POLR3B: variants seen among roughly 807,000 people sequenced by gnomAD.
POLR3B encodes RNA polymerase III subunit B.
In POLR3B, 96 loss-of-function variants were observed where a neutral mutation model predicts 147.4. The observed-to-expected ratio is 0.65, with a 90% CI of 0.55 to 0.77. POLR3B has a LOEUF of 0.77. POLR3B is among the 30% of genes least tolerant of loss of function. The pLI, the probability that POLR3B is intolerant of heterozygous loss-of-function variation, is 0.00. For synonymous variants in POLR3B, 461 were observed against 485.9 expected, an observed-to-expected ratio of 0.95 and a Z score of 0.67; for missense variants, 1,036 against 1,413.5, an observed-to-expected ratio of 0.73 and a Z score of 4.28.
intron 19 of POLR3B, among the ~76,000 whole-genome samples, chr12:106,450,638 C>G (rs2037782961): frequency 6.6e-6 from 1 of 151,938 alleles, no homozygotes; most frequent in African/African-American, 2.4e-5. Context: ...AAATTAAGAC[C>G]CCTATAAGAT....
chr12:106,406,607 C>G (rs1349902498), intron 11 of POLR3B, among the ~76,000 whole-genome samples: 7 of 152,210 alleles, frequency 4.6e-5, no homozygotes, highest in African/African-American at 1.7e-4. Flanking sequence ...TGAAGATTCT[C>G]TGATCCAAAC....
intron 10 of POLR3B, among the ~76,000 whole-genome samples, chr12:106,395,699 C>T (rs934832435): frequency 3.3e-5 from 5 of 151,990 alleles, no homozygotes; most frequent in Non-Finnish European, 7.4e-5. Context: ...GTTTTTTTGG[C>T]CAGGCATGGT....
intron 23 of POLR3B, among the ~76,000 whole-genome samples, chr12:106,476,708 T>C (rs2038176011): frequency 6.6e-6 from 1 of 151,066 alleles, no homozygotes; most frequent in African/African-American, 2.4e-5. Flanking sequence ...GCCTTGGTTT[T>C]CAGCTCCATC....
In POLR3B at chr12:106,364,506, C is replaced by T. The variant is rs1008594440; in HGVS notation, c.105+604C>T. ...AACTATCATGCTCCACTGGTGGGAA[C>T]GTAAAGTGTTATAGCCACTTTGGAA... is the stretch of plus-strand genomic sequence containing the variant. On this transcript the variant is annotated intron_variant, in intron 2 of 27. Transcript: ENST00000228347. 2.6e-5 allele frequency among the ~76,000 whole-genome samples: 4 copies of T among 152,160 alleles called. No individual in the cohort carries two copies. In the South Asian group the frequency reaches 6.2e-4, roughly 24 times the overall value.
chr12:106,396,710 C>T (rs1469426788), intron 10 of POLR3B, among the ~76,000 whole-genome samples: 1 of 152,012 alleles, frequency 6.6e-6, no homozygotes, highest in Non-Finnish European at 1.5e-5. Flanking sequence ...AAGGAATTCC[C>T]CAAGCAGGTA....
chr12:106,410,226 T>G (rs1384624632), intron 11 of POLR3B: 3 of 153,146 alleles, frequency 2.0e-5, no homozygotes, highest in Non-Finnish European at 4.4e-5. Flanking sequence ...ATTTCAGGTC[T>G]CTTACAAAGT....
chr12:106,506,821 G>A (rs969003883), intron 27 of POLR3B, among the ~76,000 whole-genome samples: 3 of 152,082 alleles, frequency 2.0e-5, no homozygotes, highest in Non-Finnish European at 4.4e-5. Context: ...CCGCTGCCTC[G>A]GGTGCTGCTT....
In POLR3B at chr12:106,366,711, G is replaced by A; in HGVS notation, c.216G>A (p.Met72Ile). 1.2e-6 allele frequency: 2 copies of A among 1,612,072 alleles called. No homozygotes were observed. The highest frequency in any genetic ancestry group is 1.7e-6 in the Non-Finnish European group (2 of 1,178,228). Residue 72 changes from methionine (M) to isoleucine (I), a missense_variant, in exon 4 of 28, where the codon ATG becomes ATA. Coordinates refer to ENST00000228347, the MANE Select transcript of POLR3B (RefSeq NM_018082.6). Reference sequence around the variant, plus strand: ...AGGTTACAAGTGACGCTGACCCTATGTGGTACTTAAAGTAAGGAACCAACA... The same window carrying A: ...AGGTTACAAGTGACGCTGACCCTATATGGTACTTAAAGTAAGGAACCAACA... The part of the protein sequence containing the change: ...NEKVTSDADP[M>I]WYLKYLNIYV...
rs765733223 is a variant in POLR3B at position 106,496,818 on chromosome 12, A to C, written c.2884A>C (p.Thr962Pro). The C allele has an allele frequency of 1.2e-5, 19 of 1,614,132 alleles. No individual in the cohort carries two copies. Among genetic ancestry groups the C allele is most frequent in the Non-Finnish European group, 1.4e-5 (17 of 1,179,994 alleles). The change falls in exon 25 of 28, where the codon ACT becomes CCT. Residue 962 changes from threonine (T) to proline (P), a missense_variant. Physicochemically the swap from Thr to Pro is conservative, Grantham distance 38 (BLOSUM62 -1). Around this residue, in one of 12 missense-constraint regions of POLR3B, gnomAD observed 88 missense variants for 87.5 expected, o/e 1.01. Transcript: ENST00000228347. ...GCTGGACGGCAGATTCCACTACGGCACTGCGTTTGGAGGCAGTAAAGTGAA... is the reference window on the plus strand; with the variant it reads ...GCTGGACGGCAGATTCCACTACGGCCCTGCGTTTGGAGGCAGTAAAGTGAA... ...GVLDGRFHYG[T>P]AFGGSKVKDV... is the part of the protein sequence containing the mutation.
At chr12:106,420,950 T>C (rs553564906) in intron 12 of POLR3B, among the ~76,000 whole-genome samples, 7 of 152,328 alleles carry the variant, frequency 4.6e-5, no homozygotes, top group Admixed American at 2.6e-4. Context: ...CTTGATTTAT[T>C]ATATCATTTA....
At chr12:106,463,729 C>G in intron 23 of POLR3B, 109 bp downstream of exon 23, 1 of 854,608 alleles carries the variant, frequency 1.2e-6, no homozygotes, top group Admixed American at 2.2e-5. Context: ...AAAAGTATTA[C>G]ATTGTTATAA....
intron 22 of POLR3B, among the ~76,000 whole-genome samples, chr12:106,461,128 A>C (rs2037928291): frequency 6.6e-6 from 1 of 151,660 alleles, no homozygotes; most frequent in Non-Finnish European, 1.5e-5. Context: ...GGAGTCTCGC[A>C]CTGTCATCCA....
Position 106,378,366 on chromosome 12 carries a change from T to C in POLR3B, c.596T>C (p.Val199Ala), listed in dbSNP as rs753938916. 3.1e-6 allele frequency: 5 copies of C among 1,610,258 alleles called. No individual in the cohort carries two copies. The African/African-American group carries it at 6.7e-5, about 22-fold the overall frequency. ...IIVEADRKGA[V>A]GASVTSSTHE... Reference sequence around the variant, plus strand: ...GTGGAGGCTGATAGAAAAGGGGCTGTTGGAGCTTCAGTTACCAGGTATGGA... The same window carrying C: ...GTGGAGGCTGATAGAAAAGGGGCTGCTGGAGCTTCAGTTACCAGGTATGGA... Residue 199 changes from valine to alanine, a missense_variant, in exon 8 of 28, where the codon GTT (valine) becomes GCT (alanine). Transcript: ENST00000228347.
chr12:106,378,464 G>A (rs2036712052), intron 8 of POLR3B, 80 bp downstream of exon 8: 1 of 820,178 alleles, frequency 1.2e-6, no homozygotes, highest in Non-Finnish European at 2.1e-6. Context: ...AATACAGAGG[G>A]AGCCAGTTAT....
Position 106,426,850 on chromosome 12 carries a change from C to G in POLR3B, c.1102-347C>G, listed in dbSNP as rs959651683. Among the ~76,000 whole-genome samples the G allele has an allele frequency of 8.2e-4, 87 of 106,320 alleles. 8 individuals carry two copies. The East Asian group carries it at 0.019, about 23-fold the overall frequency. The allele number at this position is 106,320 out of a possible 152,430, so 69.8% of individuals were successfully genotyped here. Reference sequence around the variant, plus strand: ...ATTCTTCTCCACCGTCCCCCCCCCCCCCCCCCGTCCTTTTTGGTTTTAATA... The same window carrying G: ...ATTCTTCTCCACCGTCCCCCCCCCCGCCCCCCGTCCTTTTTGGTTTTAATA... On this transcript the variant is annotated intron_variant, in intron 12 of 27. Coordinates refer to ENST00000228347, the MANE Select transcript of POLR3B (RefSeq NM_018082.6).
At chr12:106,368,770 T>C (rs2036564398) in intron 4 of POLR3B, among the ~76,000 whole-genome samples, 1 of 152,156 alleles carries the variant, frequency 6.6e-6, no homozygotes, top group South Asian at 2.1e-4. Flanking sequence ...CACAAAAAAG[T>C]ATATTCAGAA....
intron 1 of POLR3B, among the ~76,000 whole-genome samples, chr12:106,362,715 A>G (rs2036486236): frequency 6.6e-6 from 1 of 152,200 alleles, no homozygotes; most frequent in African/African-American, 2.4e-5. Flanking sequence ...CCCATCTTCA[A>G]AAACAGTCAC....
At chr12:106,482,676 C>T (rs918926878) in intron 23 of POLR3B, among the ~76,000 whole-genome samples, 6 of 152,148 alleles carry the variant, frequency 3.9e-5, no homozygotes, top group Admixed American at 1.3e-4. Context: ...GGACACAAAT[C>T]TAAACCATAT....
chr12:106,387,319 A>G (rs1333330959), intron 9 of POLR3B, among the ~76,000 whole-genome samples: 4 of 152,096 alleles, frequency 2.6e-5, no homozygotes, highest in Admixed American at 2.6e-4. Flanking sequence ...AATTTACTTA[A>G]CCACTTTCCT....
Sources: gnomAD v4.1 joint callset for allele counts (sites outside exome capture counted in the v4.1 genomes callset) on GRCh38, gnomAD v4.1.1 for gene constraint, gnomAD v4.1.1 regional missense constraint, MANE v1.5 for transcripts, NCBI Gene and HGNC (gene_info 2026-07-23, HGNC 2026-07-21) for gene names.